Variants in BRME1 observed in about 807,000 individuals in gnomAD.
BRME1 encodes break repair meiotic recombinase recruitment factor 1.
A neutral mutation model predicts 52.6 loss-of-function variants in BRME1; 31 were observed. The ratio of observed to expected loss-of-function variants is 0.59; its 90% CI spans 0.44 to 0.80. The LOEUF is 0.80. Ranked by LOEUF, BRME1 falls within the 30% of genes least tolerant of loss-of-function variation. The pLI, the probability that BRME1 is intolerant of heterozygous loss-of-function variation, is 0.00. For synonymous variants in BRME1, 359 were observed against 353.6 expected (o/e 1.02, Z -0.17); for missense variants, 804 against 860.3 (o/e 0.93, Z 0.82).
chr19:13,901,748 A>C (rs1304424528), intron 2 of BRME1, among the ~76,000 whole-genome samples: 1 of 151,416 alleles, frequency 6.6e-6, no homozygotes, highest in Non-Finnish European at 1.5e-5. Flanking sequence ...TATATACAGA[A>C]AAAGTCTGAC....
rs142469464 is a variant in BRME1 at position 13,882,830 on chromosome 19, C to A, written c.1979G>T (p.Arg660Leu). ...YPSKGPGNIP[R>L]GDPPWREL ...CAACTCCCTCCAGGGTGGGTCCCCTCGAGGGATATTCCCAGGCCCCTTGGA... is the reference window on the plus strand; with the variant it reads ...CAACTCCCTCCAGGGTGGGTCCCCTAGAGGGATATTCCCAGGCCCCTTGGA... The change falls in exon 9 of 9, where the codon CGA becomes CTA. Residue 660 changes from arginine to leucine, a missense_variant. Arg to Leu is a moderately radical substitution (Grantham distance 102, BLOSUM62 -2). Coordinates refer to ENST00000586783, the MANE Select transcript of BRME1 (RefSeq NM_001345843.2). The A allele has an allele frequency of 2.1e-5, 34 of 1,613,868 alleles. 1 individual carries two copies. Among genetic ancestry groups the A allele is most frequent in the Non-Finnish European group, 2.7e-5 (32 of 1,179,968 alleles).
chr19:13,890,775 G>A (rs969545104), intron 5 of BRME1, among the ~76,000 whole-genome samples: 3 of 152,196 alleles, frequency 2.0e-5, no homozygotes, highest in South Asian at 2.1e-4. Flanking sequence ...GCTGAGGCAG[G>A]AGAATTGTTT....
At chr19:13,893,916 C>CAA (rs35791732) in intron 3 of BRME1, among the ~76,000 whole-genome samples, 1 of 144,298 alleles carries the variant, frequency 6.9e-6, no homozygotes, top group Admixed American at 7.0e-5. Flanking sequence ...GACCCTATCT[C>CAA]AAAAAAAAAA....
At chr19:13,892,582 CTG>C in intron 5 of BRME1, among the ~76,000 whole-genome samples, 1 of 152,116 alleles carries the variant, frequency 6.6e-6, no homozygotes, top group East Asian at 1.9e-4. Flanking sequence ...GAGTGAAACT[CTG>C]TCTCAAAAAA....
intron 5 of BRME1, among the ~76,000 whole-genome samples, chr19:13,891,311 G>A (rs997191452): frequency 3.3e-5 from 5 of 151,522 alleles, no homozygotes; most frequent in Non-Finnish European, 5.9e-5. Flanking sequence ...CACCATGCCC[G>A]GCTAATTTTG....
intron 5 of BRME1, 44 bp from the exon 6 acceptor site, chr19:13,890,506 A>T: frequency 7.0e-7 from 1 of 1,430,862 alleles, no homozygotes; most frequent in Non-Finnish European, 9.1e-7. Flanking sequence ...TTGATAACCA[A>T]GTTCTCCGAA....
chr19:13,892,960 A>G lies in BRME1; in HGVS notation c.289-70T>C, dbSNP rs1445056356. ...GGAATGAGGTCTTAGGAAAAAAGCA[A>G]CCCCAAACCTGCTCCTTTCTTGTAG... On this transcript the variant is annotated intron_variant, in intron 4 of 8. Transcript: ENST00000586783. The G allele has an allele frequency of 2.0e-6, 3 of 1,463,794 alleles. No homozygotes were observed. In the East Asian group the frequency reaches 6.8e-5, roughly 33 times the overall value. The allele number at this position is 1,463,794 out of a possible 1,614,324, so 90.7% of individuals were successfully genotyped here.
rs1253537939 is a variant in BRME1 at position 13,883,273 on chromosome 19, A to G, written c.1856+35T>C. The G allele has an allele frequency of 2.0e-6, 3 of 1,503,576 alleles. No homozygotes were observed. The African/African-American group carries it at 4.1e-5, about 21-fold the overall frequency. 93.1% of individuals were successfully genotyped at this position (1,503,576 alleles called of 1,614,324 possible). A position where few individuals can be genotyped will look rare whatever the true frequency, so the allele number is the denominator to read the frequency against. Reference sequence around the variant, plus strand: ...CTCTGAGTCCCCACTGGCCTCCCGCAGACCCTGTGCCGTGAGTCCAAGCCC... The same window carrying G: ...CTCTGAGTCCCCACTGGCCTCCCGCGGACCCTGTGCCGTGAGTCCAAGCCC... On this transcript the variant is annotated intron_variant, in intron 8 of 8. Coordinates refer to ENST00000586783, the MANE Select transcript of BRME1 (RefSeq NM_001345843.2). The surrounding 1 kb of genome is among the most constrained non-coding windows in gnomAD (Gnocchi z 4.2).
Position 13,888,579 on chromosome 19 carries a change from CT to C in BRME1, c.1668+608del, listed in dbSNP as rs1157159569. Among the ~76,000 whole-genome samples, 1 of 152,258 alleles carries C rather than the reference CT, an allele frequency of 6.6e-6. No individual in the cohort carries two copies. The highest frequency in any genetic ancestry group is 2.4e-5 in the African/African-American group (1 of 41,476). Reference sequence around the variant, plus strand: ...TGAACGCCAACGGCTGGCACCGGCTCTGGAGCCAGAGGAGGCCACATCCGGG... The same window carrying C: ...TGAACGCCAACGGCTGGCACCGGCTCGGAGCCAGAGGAGGCCACATCCGGG... On this transcript the variant is annotated intron_variant, in intron 6 of 8. Coordinates refer to ENST00000586783, the MANE Select transcript of BRME1 (RefSeq NM_001345843.2). The surrounding 1 kb of genome is among the most constrained non-coding windows in gnomAD (Gnocchi z 4.1).
chr19:13,889,396 T>C lies in BRME1; in HGVS notation c.1460A>G (p.Glu487Gly). Residue 487 changes from glutamate (E) to glycine (G), a missense_variant, in exon 6 of 9, where the codon GAA becomes GGA. Physicochemically the swap from Glu to Gly is moderately conservative, Grantham distance 98. Coordinates refer to ENST00000586783, the MANE Select transcript of BRME1 (RefSeq NM_001345843.2). ...PQASVVLEHREIADDPLQEPG... is the reference protein window; with the variant it reads ...PQASVVLEHRGIADDPLQEPG... ...CTCCTGGAGAGGGTCGTCTGCTATT[T>C]CTCTGTGTTCCAGCACAACAGAGGC... The C allele has an allele frequency of 1.2e-6, 2 of 1,614,038 alleles. No homozygotes were observed. Among genetic ancestry groups the C allele is most frequent in the Non-Finnish European group, 1.7e-6 (2 of 1,179,998 alleles).
At chr19:13,885,103 G>GCACAC (rs1968906606) in intron 7 of BRME1, 1 of 152,516 alleles carries the variant, frequency 6.6e-6, no homozygotes, top group Non-Finnish European at 1.5e-5. Context: ...GTGGCCAGTG[G>GCACAC]CACAGCAGGT....
intron 6 of BRME1, 23 bp downstream of exon 6, chr19:13,889,165 C>G: frequency 6.5e-7 from 1 of 1,531,826 alleles, no homozygotes; most frequent in East Asian, 2.3e-5. Context: ...GCAGGTATGT[C>G]TGTCACTCAG....
At chr19:13,898,148 A>T (rs1006896165) in intron 2 of BRME1, among the ~76,000 whole-genome samples, 3 of 152,150 alleles carry the variant, frequency 2.0e-5, no homozygotes, top group Admixed American at 1.3e-4. Context: ...AGATGCGAGA[A>T]TTGACACCCA....
intron 2 of BRME1, among the ~76,000 whole-genome samples, chr19:13,897,803 A>G (rs1007420139): frequency 9.2e-5 from 14 of 152,212 alleles, no homozygotes; most frequent in Admixed American, 4.6e-4. Flanking sequence ...AGAGATTGCA[A>G]TGAGTCCAGA....
intron 7 of BRME1, among the ~76,000 whole-genome samples, chr19:13,884,527 C>T (rs1372538141): frequency 1.3e-5 from 2 of 149,678 alleles, no homozygotes; most frequent in African/African-American, 4.9e-5. Flanking sequence ...ACTTAGGGGG[C>T]TGAAGTGGGA....
In BRME1 at chr19:13,883,415, A is replaced by G. The variant is rs1968779908; in HGVS notation, c.1764-15T>C. On this transcript the variant is annotated splice_polypyrimidine_tract_variant and intron_variant, in intron 7 of 8. Coordinates refer to ENST00000586783, the MANE Select transcript of BRME1 (RefSeq NM_001345843.2). This position sits in a 1 kb window ranked among gnomAD's most constrained non-coding sequence, Gnocchi z 4.2. ...CCACGAAGGTCCTGGCCAGCAGGGA[A>G]GGAAATTGAGAGTGGCCCGACCTCA... 1 of 1,525,990 alleles carries G rather than the reference A, an allele frequency of 6.6e-7. No individual in the cohort carries two copies. The highest frequency in any genetic ancestry group is 8.8e-7 in the Non-Finnish European group (1 of 1,138,276). The allele number at this position is 1,525,990 out of a possible 1,614,324, so 94.5% of individuals were successfully genotyped here.
Position 13,882,865 on chromosome 19 carries a change from CAGGGG to C in BRME1, c.1939_1943del (p.Pro647AlafsTer114), listed in dbSNP as rs774855283. The C allele has an allele frequency of 1.4e-5, 22 of 1,614,016 alleles. No individual in the cohort carries two copies. Among genetic ancestry groups the C allele is most frequent in the Non-Finnish European group, 1.9e-5 (22 of 1,179,988 alleles). On this transcript the variant is annotated frameshift_variant, in exon 9 of 9. Transcript: ENST00000586783. LOFTEE classifies it low-confidence loss of function (END_TRUNC). ...TCCCAGGCCCCTTGGAAGGGTAAGG[CAGGGG>C]GGCTTTGCCTCCCAGCTTTGTCTTC...
intron 5 of BRME1, among the ~76,000 whole-genome samples, chr19:13,891,000 G>A (rs1381560001): frequency 1.3e-5 from 2 of 152,012 alleles, no homozygotes; most frequent in African/African-American, 4.8e-5. Flanking sequence ...CAGGGCCGGC[G>A]ACTGGAGGGG....
intron 2 of BRME1, among the ~76,000 whole-genome samples, chr19:13,898,923 C>CA (rs1159325305): frequency 0.034 from 2,310 of 67,414 alleles, 61 homozygotes; most frequent in African/African-American, 0.085. Flanking sequence ...AACTCCATCT[C>CA]AAAAAAAAAA....
Sources: allele counts gnomAD v4.1 joint callset (sites outside exome capture counted in the v4.1 genomes callset), GRCh38; gene constraint gnomAD v4.1.1; non-coding constraint Gnocchi (gnomAD v3.1); transcripts MANE v1.5; gene names NCBI Gene and HGNC (gene_info 2026-07-23, HGNC 2026-07-21).